TBC1D1: variants seen among roughly 807,000 people sequenced by gnomAD.
The protein encoded by TBC1D1 is TBC1 domain family member 1, also known as TBC1 (tre-2/USP6, BUB2, cdc16) domain family, member 1.
A neutral mutation model predicts 125.6 loss-of-function variants in TBC1D1; 89 were observed. The observed-to-expected ratio is 0.71, with a 90% confidence interval of 0.60 to 0.85. The LOEUF is 0.85. TBC1D1 is among the 40% of genes least tolerant of loss of function. The pLI is 0.00. For missense variants in TBC1D1, 1,377 were observed against 1,469.2 expected (o/e 0.94, Z 1.03); for synonymous variants, 565 against 564.1 (o/e 1.00, Z -0.02).
At chr4:37,986,265 T>C (rs1735436012) in intron 2 of TBC1D1, among the ~76,000 whole-genome samples, 1 of 152,194 alleles carries the variant, frequency 6.6e-6, no homozygotes, top group South Asian at 2.1e-4. Context: ...GTAACTTGAT[T>C]TGAACAAGAT....
At chr4:38,100,531 T>C (rs1376732271) in intron 14 of TBC1D1, among the ~76,000 whole-genome samples, 1 of 152,236 alleles carries the variant, frequency 6.6e-6, no homozygotes, top group Non-Finnish European at 1.5e-5. Flanking sequence ...TACTTAATTA[T>C]ATCTGCAAAG....
Position 38,052,167 on chromosome 4 carries a change from C to CTGTGTGTG in TBC1D1, c.1911-2011_1911-2004dup, listed in dbSNP as rs58659939. 4,009 of 735,742 alleles carry CTGTGTGTG rather than the reference C, an allele frequency of 5.4e-3. 48 individuals carry two copies. The highest frequency in any genetic ancestry group is 0.035 in the African/African-American group (1,903 of 54,466). The allele number at this position is 735,742 out of a possible 1,614,324, so 45.6% of individuals were successfully genotyped here. On this transcript the variant is annotated intron_variant, in intron 11 of 19. Transcript: ENST00000261439. ...AATGTCCATGCAGGAAGCAGAGCCA[C>CTGTGTGTG]TGTGTGTGTGTGTGTGTGTGTGTGT... is the stretch of plus-strand genomic sequence containing the variant.
chr4:37,936,902 G>A (rs576772172), intron 2 of TBC1D1, among the ~76,000 whole-genome samples: 1 of 152,298 alleles, frequency 6.6e-6, no homozygotes, highest in South Asian at 2.1e-4. Flanking sequence ...ACAAATTGTA[G>A]GTCAGGGTTC....
At chr4:38,054,366 CAAAG>C in intron 12 of TBC1D1, 28 bp downstream of exon 14, 1 of 1,613,060 alleles carries the variant, frequency 6.2e-7, no homozygotes, top group Non-Finnish European at 8.5e-7. Context: ...AATGAAACCT[CAAAG>C]AGAGCACGCT....
intron 12 of TBC1D1, among the ~76,000 whole-genome samples, chr4:38,061,290 C>CAA (rs144818837): frequency 1.4e-5 from 2 of 145,102 alleles, no homozygotes; most frequent in Non-Finnish European, 3.0e-5. Flanking sequence ...GTCAAGCCTA[C>CAA]AAAAAAAAAA....
intron 12 of TBC1D1, among the ~76,000 whole-genome samples, chr4:38,058,719 C>G (rs977045563): frequency 6.6e-6 from 1 of 152,104 alleles, no homozygotes; most frequent in African/African-American, 2.4e-5. Context: ...CCATGTCATC[C>G]CACTTGGAAG....
chr4:37,929,363 T>A (rs1240018783), intron 2 of TBC1D1, among the ~76,000 whole-genome samples: 13 of 152,082 alleles, frequency 8.5e-5, no homozygotes, highest in Non-Finnish European at 1.5e-5. Flanking sequence ...AGAATGAAAG[T>A]TAAAATGCAA....
intron 4 of TBC1D1, 135 bp from the exon 5 acceptor site, chr4:38,020,456 C>A (rs1743766305): frequency 1.1e-5 from 7 of 647,238 alleles, no homozygotes; most frequent in Middle Eastern, 2.9e-4. Flanking sequence ...CCAGCCTGGG[C>A]AACAAGAGTA....
chr4:38,025,795 A>G (rs1438310130), intron 6 of TBC1D1, among the ~76,000 whole-genome samples: 2 of 152,266 alleles, frequency 1.3e-5, no homozygotes, highest in African/African-American at 2.4e-5. Context: ...TAGTTGATAC[A>G]GTAAAGCCTT....
intron 2 of TBC1D1, among the ~76,000 whole-genome samples, chr4:37,924,853 T>G (rs1006122440): frequency 6.6e-6 from 1 of 152,244 alleles, no homozygotes; most frequent in African/African-American, 2.4e-5. Context: ...AAATACCTGT[T>G]TGAGTCCCTG....
intron 8 of TBC1D1, among the ~76,000 whole-genome samples, chr4:38,037,841 A>C (rs1747520402): frequency 6.6e-6 from 1 of 152,210 alleles, no homozygotes; most frequent in African/African-American, 2.4e-5. Flanking sequence ...GAAATAGAAA[A>C]AACCCTGAAT....
intron 2 of TBC1D1, among the ~76,000 whole-genome samples, chr4:37,929,587 G>C (rs1722836478): frequency 6.6e-6 from 1 of 152,170 alleles, no homozygotes; most frequent in East Asian, 1.9e-4. Context: ...GGTAAATTTG[G>C]CTCCAGGTTT....
At chr4:37,992,939 G>T (rs1255105552) in intron 2 of TBC1D1, among the ~76,000 whole-genome samples, 2 of 151,816 alleles carry the variant, frequency 1.3e-5, no homozygotes, top group Non-Finnish European at 2.9e-5. Context: ...CGAGTAGCCA[G>T]GATTACAGGC....
chr4:38,108,939 TCTC>T (rs1321617811), intron 15 of TBC1D1, among the ~76,000 whole-genome samples: 3 of 152,104 alleles, frequency 2.0e-5, no homozygotes, highest in East Asian at 3.9e-4. Flanking sequence ...CGCTTCCCCT[TCTC>T]CTCTCCCAGG....
At chr4:37,971,422 C>A (rs1731995445) in intron 2 of TBC1D1, among the ~76,000 whole-genome samples, 1 of 152,020 alleles carries the variant, frequency 6.6e-6, no homozygotes. Flanking sequence ...GAATTGAGAG[C>A]CGAACAAAAA....
intron 12 of TBC1D1, among the ~76,000 whole-genome samples, chr4:38,082,622 T>C (rs1184736035): frequency 6.6e-6 from 1 of 152,224 alleles, no homozygotes; most frequent in East Asian, 1.9e-4. Context: ...CGTTATCTCC[T>C]GTCTACAGCT....
At chr4:38,103,750 G>A (rs1243181828) in intron 15 of TBC1D1, among the ~76,000 whole-genome samples, 1 of 151,934 alleles carries the variant, frequency 6.6e-6, no homozygotes, top group African/African-American at 2.4e-5. Context: ...AAAGTATTTG[G>A]GAAGAAAAAT....
intron 2 of TBC1D1, among the ~76,000 whole-genome samples, chr4:37,943,094 AAGCTTAGTTTGGCTGG>A (rs1725926562): frequency 6.6e-6 from 1 of 152,178 alleles, no homozygotes; most frequent in Non-Finnish European, 1.5e-5. Context: ...TTCACTTATG[AAGCTTAGTTTGGCTGG>A]ATATGAAATT....
Position 38,125,140 on chromosome 4 carries a change from C to A in TBC1D1, c.3132+9C>A. On this transcript the variant is annotated intron_variant, in intron 18 of 19. Coordinates refer to ENST00000261439, the MANE Select transcript of TBC1D1 (RefSeq NM_015173.4). Reference sequence around the variant, plus strand: ...AAAAGACCATCAATCAGGTATGAGTCAGTCCAAACCTTGCAAATGCTTAAG... The same window carrying A: ...AAAAGACCATCAATCAGGTATGAGTAAGTCCAAACCTTGCAAATGCTTAAG... The A allele has an allele frequency of 6.2e-7, 1 of 1,612,578 alleles. No homozygotes were observed. The highest frequency in any genetic ancestry group is 1.1e-5 in the South Asian group (1 of 90,922).
Sources: gnomAD v4.1 joint callset for allele counts (sites outside exome capture counted in the v4.1 genomes callset) on GRCh38, gnomAD v4.1.1 for gene constraint, MANE v1.5 for transcripts, NCBI Gene and HGNC (gene_info 2026-07-23, HGNC 2026-07-21) for gene names.